Variants in NPAS3 observed in about 807,000 individuals in gnomAD.
NPAS3 encodes the protein neuronal PAS domain protein 3.
Under a neutral mutation model 73.1 loss-of-function variants are expected in NPAS3, and 14 were observed. The observed-to-expected ratio is 0.19, with a 90% CI of 0.13 to 0.30. NPAS3 has a LOEUF of 0.30. Ranked by LOEUF, NPAS3 falls within the 10% of genes least tolerant of loss-of-function variation. NPAS3 has a pLI of 1.00. For missense variants in NPAS3, 1,096 were observed against 1,250.0 expected (o/e 0.88, Z 1.86); for synonymous variants, 620 against 541.5 (o/e 1.14, Z -2.01).
At chr14:33,296,599 A>T (rs2042309200) in intron 3 of NPAS3, among the ~76,000 whole-genome samples, 2 of 152,214 alleles carry the variant, frequency 1.3e-5, no homozygotes, top group South Asian at 4.1e-4. Flanking sequence ...TTATGTTTGG[A>T]TGTAGATGTG....
At chr14:33,457,173 C>G (rs963048173) in intron 4 of NPAS3, among the ~76,000 whole-genome samples, 2 of 152,204 alleles carry the variant, frequency 1.3e-5, no homozygotes, top group Non-Finnish European at 2.9e-5. Context: ...GTGTCATTCT[C>G]TCTCAGCATA....
chr14:33,095,823 C>T (rs188846895), intron 2 of NPAS3, among the ~76,000 whole-genome samples: 15,104 of 151,464 alleles, frequency 0.1, 1,216 homozygotes, highest in African/African-American at 0.22. Flanking sequence ...CGCCCACCAC[C>T]ATGCCCGGCT....
upstream of NPAS3, among the ~76,000 whole-genome samples, chr14:32,936,359 G>C (rs2138997901): frequency 6.7e-6 from 1 of 150,316 alleles, no homozygotes; most frequent in East Asian, 2.0e-4. Context: ...GCTATTCCTT[G>C]TCAAAGGGAT....
At chr14:33,171,165 G>A (rs1029574791) in intron 2 of NPAS3, among the ~76,000 whole-genome samples, 1 of 152,198 alleles carries the variant, frequency 6.6e-6, no homozygotes, top group Non-Finnish European at 1.5e-5. Context: ...TTGGGTGACC[G>A]AGTGCATTGT....
At chr14:33,665,775 T>A (rs2059434766) in intron 5 of NPAS3, among the ~76,000 whole-genome samples, 1 of 152,172 alleles carries the variant, frequency 6.6e-6, no homozygotes, top group African/African-American at 2.4e-5. Context: ...TTCCAGAGTG[T>A]GGTTAACAGA....
chr14:33,488,333 G>A lies in NPAS3; in HGVS notation c.469-71788G>A, dbSNP rs140645652. ...TTTGGAGAAAGAGATGGGCCACCAA[G>A]AGTCTTAACGGGGCTGGCAACTCTT... On this transcript the variant is annotated intron_variant, in intron 4 of 11. Coordinates refer to ENST00000356141, the Ensembl canonical transcript of NPAS3. Among the ~76,000 whole-genome samples, 13 of 152,076 alleles carry A rather than the reference G, an allele frequency of 8.5e-5. No homozygotes were observed. The East Asian group carries it at 2.5e-3, about 30-fold the overall frequency.
chr14:33,301,088 C>T (rs1194805413), intron 3 of NPAS3, among the ~76,000 whole-genome samples: 2 of 151,662 alleles, frequency 1.3e-5, no homozygotes, highest in African/African-American at 4.9e-5. Context: ...CAGTCTCCTG[C>T]CCTGGAGCAG....
At chr14:33,711,128 C>T (rs2060806896) in intron 6 of NPAS3, among the ~76,000 whole-genome samples, 1 of 152,162 alleles carries the variant, frequency 6.6e-6, no homozygotes, top group Non-Finnish European at 1.5e-5. Flanking sequence ...TACATACGTG[C>T]ATGCACTGTA....
chr14:33,265,364 A>C lies in NPAS3; in HGVS notation c.385+49938A>C, dbSNP rs1045664940. On this transcript the variant is annotated intron_variant, in intron 3 of 11. Transcript: ENST00000356141. ...TTAGTAATAGTATTAACTGCTCTGT[A>C]AAATTTTCTAAGGAGTCATATTTTC... 2.6e-5 allele frequency among the ~76,000 whole-genome samples: 4 copies of C among 152,222 alleles called. No individual in the cohort carries two copies. The East Asian group carries it at 7.7e-4, about 29-fold the overall frequency.
intron 2 of NPAS3, among the ~76,000 whole-genome samples, chr14:33,065,836 G>T (rs1390196309): frequency 6.6e-6 from 1 of 152,008 alleles, no homozygotes; most frequent in African/African-American, 2.4e-5. Flanking sequence ...TGCCTGTCAG[G>T]GGTGCTTACA....
At chr14:33,202,714 T>TA (rs1277207906) in intron 2 of NPAS3, among the ~76,000 whole-genome samples, 1 of 152,006 alleles carries the variant, frequency 6.6e-6, no homozygotes, top group Non-Finnish European at 1.5e-5. Context: ...TGTCTTTTTT[T>TA]TTTTTGAAAA....
chr14:33,651,254 T>C (rs10133360), intron 5 of NPAS3, among the ~76,000 whole-genome samples: 65,368 of 152,048 alleles, frequency 0.43, 14,460 homozygotes, highest in Non-Finnish European at 0.49. Flanking sequence ...CGTGCCACTC[T>C]GCATCAGTTA....
intron 1 of NPAS3, among the ~76,000 whole-genome samples, chr14:33,036,585 C>A (rs11846946): frequency 1.3e-5 from 2 of 152,066 alleles, no homozygotes; most frequent in African/African-American, 4.8e-5. Context: ...GGAAGTAATA[C>A]CTGAAACAGA....
intron 5 of NPAS3, among the ~76,000 whole-genome samples, chr14:33,595,193 CTG>C (rs1462641242): frequency 1.3e-5 from 2 of 152,136 alleles, no homozygotes; most frequent in African/African-American, 2.4e-5. Context: ...TGCTTCCATT[CTG>C]TTTTGAATCT....
At chr14:33,261,349 T>C (rs2048970781) in intron 3 of NPAS3, among the ~76,000 whole-genome samples, 1 of 152,024 alleles carries the variant, frequency 6.6e-6, no homozygotes, top group Admixed American at 6.6e-5. Context: ...TTTTGGGCAC[T>C]TGTATAAGCT....
intron 2 of NPAS3, among the ~76,000 whole-genome samples, chr14:33,057,893 A>G (rs1269349310): frequency 6.6e-6 from 1 of 152,186 alleles, no homozygotes; most frequent in Non-Finnish European, 1.5e-5. Context: ...TCTTGAAACT[A>G]TAGTGTACAT....
At chr14:33,141,973 G>A (rs77064850) in intron 2 of NPAS3, among the ~76,000 whole-genome samples, 1 of 152,084 alleles carries the variant, frequency 6.6e-6, no homozygotes, top group African/African-American at 2.4e-5. Context: ...GTAAAAATTA[G>A]TATTCCATTG....
intron 5 of NPAS3, among the ~76,000 whole-genome samples, chr14:33,644,544 A>G (rs965770920): frequency 2.0e-5 from 3 of 152,042 alleles, no homozygotes; most frequent in Admixed American, 2.0e-4. Flanking sequence ...CATTTTCTTC[A>G]CAGCATCACT....
chr14:33,241,520 C>A (rs965122214), intron 3 of NPAS3, among the ~76,000 whole-genome samples: 2 of 151,812 alleles, frequency 1.3e-5, no homozygotes, highest in Non-Finnish European at 2.9e-5. Context: ...TGAAATGGAG[C>A]CCTTTTGAAG....
Sources: gnomAD v4.1 joint callset for allele counts (sites outside exome capture counted in the v4.1 genomes callset) on GRCh38, gnomAD v4.1.1 for gene constraint, MANE v1.5 for transcripts, NCBI Gene and HGNC (gene_info 2026-07-23, HGNC 2026-07-21) for gene names.